Variants in HPSE2 observed in about 807,000 individuals in gnomAD.
HPSE2 encodes inactive heparanase-2.
Under a neutral mutation model 60.5 loss-of-function variants are expected in HPSE2, and 38 were observed. The ratio of observed to expected loss-of-function variants is 0.63; its 90% CI spans 0.48 to 0.82. HPSE2 has a LOEUF of 0.82. HPSE2 is among the 40% of genes least tolerant of loss of function. The pLI, the probability that HPSE2 is intolerant of heterozygous loss-of-function variation, is 0.00. For missense variants in HPSE2, 713 were observed against 740.4 expected, an observed-to-expected ratio of 0.96 and a Z score of 0.43; for synonymous variants, 295 against 293.2, an observed-to-expected ratio of 1.01 and a Z score of -0.06.
At chr10:98,979,385 G>C (rs914802931) in intron 3 of HPSE2, among the ~76,000 whole-genome samples, 5 of 152,066 alleles carry the variant, frequency 3.3e-5, no homozygotes, top group African/African-American at 1.2e-4. Context: ...TAAATTTGTG[G>C]GTTCATGAGA....
At chr10:98,726,857 A>C (rs1365984823) in intron 4 of HPSE2, among the ~76,000 whole-genome samples, 1 of 152,092 alleles carries the variant, frequency 6.6e-6, no homozygotes, top group African/African-American at 2.4e-5. Context: ...ACACTTATAA[A>C]GGAAACATCA....
chr10:99,313,643 A>C, the HPSE2 span, among the ~76,000 whole-genome samples: 1 of 112,852 alleles, frequency 8.9e-6, no homozygotes, highest in African/African-American at 3.5e-5. Context: ...CTCTGTCGCC[A>C]GGCCGGAATA....
chr10:99,047,911 T>G (rs1316753437), intron 3 of HPSE2: 1 of 760,688 alleles, frequency 1.3e-6, no homozygotes. Context: ...AACTGGCGTT[T>G]GTCCTCAGGA....
At chr10:99,278,869 C>G in the HPSE2 span, among the ~76,000 whole-genome samples, 1 of 152,126 alleles carries the variant, frequency 6.6e-6, no homozygotes, top group Admixed American at 6.5e-5. Context: ...CAGGTCATTC[C>G]TTTACTGAAA....
At chr10:98,477,590 G>A (rs1591237994) in intron 11 of HPSE2, among the ~76,000 whole-genome samples, 2 of 152,212 alleles carry the variant, frequency 1.3e-5, no homozygotes, top group Admixed American at 1.3e-4. Flanking sequence ...AGAACACTGG[G>A]ATCTGATCTA....
At chr10:98,590,048 C>T (rs558024353) in intron 9 of HPSE2, among the ~76,000 whole-genome samples, 42 of 152,282 alleles carry the variant, frequency 2.8e-4, no homozygotes, top group Admixed American at 2.5e-3. Flanking sequence ...GTCCAAGTTC[C>T]CTGATCACTA....
intron 9 of HPSE2, among the ~76,000 whole-genome samples, chr10:98,581,964 C>G (rs568485885): frequency 0.053 from 8,010 of 152,262 alleles, 279 homozygotes; most frequent in Middle Eastern, 0.13. Flanking sequence ...GGGTCCCCTA[C>G]ACACACATGT....
Position 99,060,883 on chromosome 10 carries a change from T to C in HPSE2, c.610+83355A>G, listed in dbSNP as rs573920374. 4.1e-4 allele frequency among the ~76,000 whole-genome samples: 62 copies of C among 152,058 alleles called. 1 individual carries two copies. Among genetic ancestry groups the C allele is most frequent in the Admixed American group, 2.5e-3 (38 of 15,242 alleles). On this transcript the variant is annotated intron_variant, in intron 3 of 11. Coordinates refer to ENST00000370552, the MANE Select transcript of HPSE2 (RefSeq NM_021828.5). ...CATGTTCTCACTTACTTGTGCGAAC[T>C]AAAAATTAAAACAAATGAATTCATG...
intron 2 of HPSE2, among the ~76,000 whole-genome samples, chr10:99,198,846 T>C (rs940496764): frequency 9.9e-5 from 15 of 152,178 alleles, no homozygotes; most frequent in Non-Finnish European, 1.9e-4. Flanking sequence ...ATTTCCCATT[T>C]TCCTCTTCTC....
chr10:98,629,093 G>A (rs1212445616), intron 7 of HPSE2, among the ~76,000 whole-genome samples: 3 of 152,170 alleles, frequency 2.0e-5, no homozygotes, highest in African/African-American at 7.2e-5. Flanking sequence ...TGGTAGCCTT[G>A]TAGCAGCAGA....
the HPSE2 span, among the ~76,000 whole-genome samples, chr10:99,267,493 G>A: frequency 4.6e-5 from 7 of 151,868 alleles, no homozygotes; most frequent in East Asian, 7.8e-4. Context: ...TATGTTAAAC[G>A]ACCAAACCTG....
At chr10:99,315,717 A>C in the HPSE2 span, among the ~76,000 whole-genome samples, 29 of 152,290 alleles carry the variant, frequency 1.9e-4, no homozygotes, top group African/African-American at 6.3e-4. Context: ...AGTCCTACCC[A>C]CTAATCTCTT....
intron 3 of HPSE2, among the ~76,000 whole-genome samples, chr10:98,953,838 T>A (rs1259428637): frequency 6.6e-6 from 1 of 152,174 alleles, no homozygotes; most frequent in African/African-American, 2.4e-5. Flanking sequence ...ATTCAACTCC[T>A]CTAAGCCTCA....
Position 98,523,966 on chromosome 10 carries a change from A to C in HPSE2, c.1321-33770T>G, listed in dbSNP as rs548286549. 1.8e-4 allele frequency among the ~76,000 whole-genome samples: 27 copies of C among 152,340 alleles called. 1 individual carries two copies. Among genetic ancestry groups the C allele is most frequent in the South Asian group, 1.0e-3 (5 of 4,830 alleles). ...AAGTACAATAGCTTAGGGGCCTTTC[A>C]TAATATCATAAAAGATTTCTTTTGG... On this transcript the variant is annotated intron_variant, in intron 9 of 11. Coordinates refer to ENST00000370552, the MANE Select transcript of HPSE2 (RefSeq NM_021828.5).
chr10:98,966,537 G>A (rs1402212307), intron 3 of HPSE2, among the ~76,000 whole-genome samples: 1 of 152,152 alleles, frequency 6.6e-6, no homozygotes, highest in Non-Finnish European at 1.5e-5. Flanking sequence ...TAGCAGCATG[G>A]AAGCTGCCAG....
chr10:98,666,458 C>T (rs1209891395), intron 6 of HPSE2, among the ~76,000 whole-genome samples: 2 of 152,126 alleles, frequency 1.3e-5, no homozygotes, highest in Non-Finnish European at 2.9e-5. Flanking sequence ...CAGAACATTC[C>T]ACCCAACAAC....
chr10:99,161,768 G>T (rs991478572), intron 2 of HPSE2, among the ~76,000 whole-genome samples: 3 of 152,004 alleles, frequency 2.0e-5, no homozygotes, highest in Admixed American at 2.0e-4. Flanking sequence ...GTAGCCAAAA[G>T]GTAGAAGTAA....
chr10:98,525,676 G>A (rs1455148249), intron 9 of HPSE2, among the ~76,000 whole-genome samples: 3 of 152,136 alleles, frequency 2.0e-5, no homozygotes, highest in East Asian at 3.9e-4. Flanking sequence ...TGTGGTGACC[G>A]CTATTTACCT....
rs761417809 is a variant in HPSE2, at chr10:99,205,976, C to G, written c.448+26372G>C. ...CAATGCTGCAAACCTTGACTAACAT[C>G]ATGGGACTCATATGAAGTGTCACTG... is the stretch of plus-strand genomic sequence containing the variant. On this transcript the variant is annotated intron_variant, in intron 2 of 11. Transcript: ENST00000370552. 6.0e-4 allele frequency among the ~76,000 whole-genome samples: 92 copies of G among 152,300 alleles called. 1 individual carries two copies. The highest frequency in any genetic ancestry group is 1.2e-3 in the Non-Finnish European group (80 of 68,036).
Sources: gnomAD v4.1 joint callset for allele counts (sites outside exome capture counted in the v4.1 genomes callset) on GRCh38, gnomAD v4.1.1 for gene constraint, MANE v1.5 for transcripts, NCBI Gene and HGNC (gene_info 2026-07-23, HGNC 2026-07-21) for gene names.